Variants in ZFPM2 observed in about 807,000 individuals in gnomAD.
ZFPM2 encodes the protein zinc finger protein ZFPM2.
In ZFPM2, 20 loss-of-function variants were observed where a neutral mutation model predicts 98.6. The ratio of observed to expected loss-of-function variants is 0.20; its 90% CI spans 0.14 to 0.29. The LOEUF is 0.29. Ranked by LOEUF, ZFPM2 falls within the 10% of genes least tolerant of loss-of-function variation. The pLI is 1.00. For missense variants in ZFPM2, 1,310 were observed against 1,388.6 expected, an observed-to-expected ratio of 0.94 and a Z score of 0.90; for synonymous variants, 518 against 502.7, an observed-to-expected ratio of 1.03 and a Z score of -0.41.
chr8:105,392,405 GA>G lies in ZFPM2; in HGVS notation c.41-26737del, dbSNP rs1183900325. On this transcript the variant is annotated intron_variant, in intron 1 of 7. Coordinates refer to ENST00000407775, the MANE Select transcript of ZFPM2 (RefSeq NM_012082.4). ...AGGTAATTATAGTTTTCAAATGGCT[GA>G]ATGGGAAATACTTGCAGTGTATCTA... 2.0e-5 allele frequency among the ~76,000 whole-genome samples: 3 copies of G among 152,276 alleles called. No homozygotes were observed. The East Asian group carries it at 5.8e-4, about 29-fold the overall frequency.
At chr8:105,506,498 A>G (rs1813700594) in intron 3 of ZFPM2, among the ~76,000 whole-genome samples, 1 of 152,180 alleles carries the variant, frequency 6.6e-6, no homozygotes, top group Non-Finnish European at 1.5e-5. Context: ...CCAGCTAACC[A>G]ACCTTGCTCA....
intron 3 of ZFPM2, among the ~76,000 whole-genome samples, chr8:105,517,712 CACA>C (rs1813964245): frequency 4.5e-5 from 6 of 133,712 alleles, no homozygotes; most frequent in African/African-American, 1.7e-4. Context: ...ACACACCACA[CACA>C]CACACACACA....
chr8:105,613,336 A>G (rs1218555729), intron 4 of ZFPM2, among the ~76,000 whole-genome samples: 2 of 152,258 alleles, frequency 1.3e-5, no homozygotes, highest in East Asian at 3.9e-4. Flanking sequence ...ATAAAAGAAC[A>G]CTGGAGAAGA....
At chr8:105,509,031 G>A (rs1003111863) in intron 3 of ZFPM2, among the ~76,000 whole-genome samples, 10 of 151,922 alleles carry the variant, frequency 6.6e-5, no homozygotes, top group African/African-American at 2.2e-4. Context: ...TGAAGGGAGC[G>A]GTGCAGTAGA....
intron 1 of ZFPM2, among the ~76,000 whole-genome samples, chr8:105,396,342 A>G (rs1253494540): frequency 2.0e-5 from 3 of 152,136 alleles, no homozygotes; most frequent in Admixed American, 2.0e-4. Context: ...TGAGTAGTTT[A>G]TGTTTGATGG....
chr8:105,374,456 C>G (rs1262238241), intron 1 of ZFPM2, among the ~76,000 whole-genome samples: 2 of 151,094 alleles, frequency 1.3e-5, no homozygotes, highest in African/African-American at 4.9e-5. Flanking sequence ...GGCTGGAGTT[C>G]AGTGGCACAT....
intron 1 of ZFPM2, among the ~76,000 whole-genome samples, chr8:105,331,087 TA>T (rs1463336980): frequency 2.0e-5 from 3 of 150,786 alleles, no homozygotes; most frequent in East Asian, 1.9e-4. Context: ...TTTCTCCCAT[TA>T]TTTTTTTTGT....
At chr8:105,795,660 G>C (rs1052477744) in intron 6 of ZFPM2, 3 of 310,030 alleles carry the variant, frequency 9.7e-6, no homozygotes, top group African/African-American at 6.7e-5. Context: ...ACTTTATATG[G>C]AGAATTTTTA....
At chr8:105,619,607 A>G (rs1816491853) in intron 4 of ZFPM2, among the ~76,000 whole-genome samples, 1 of 152,084 alleles carries the variant, frequency 6.6e-6, no homozygotes. Flanking sequence ...ATAGGTATAT[A>G]TGTACCATGT....
chr8:105,517,261 T>C (rs564896068), intron 3 of ZFPM2, among the ~76,000 whole-genome samples: 1 of 152,228 alleles, frequency 6.6e-6, no homozygotes, highest in Non-Finnish European at 1.5e-5. Flanking sequence ...ATTTGCTTAA[T>C]GAATTATTTG....
At chr8:105,716,576 AT>A in intron 5 of ZFPM2, among the ~76,000 whole-genome samples, 1 of 152,122 alleles carries the variant, frequency 6.6e-6, no homozygotes, top group Non-Finnish European at 1.5e-5. Context: ...GTTTCACATG[AT>A]TTGCAGGAAA....
At chr8:105,405,397 A>G (rs1811426962) in intron 1 of ZFPM2, among the ~76,000 whole-genome samples, 1 of 151,638 alleles carries the variant, frequency 6.6e-6, no homozygotes. Flanking sequence ...GTCATTTAGC[A>G]TTAGATGTAT....
intron 5 of ZFPM2, among the ~76,000 whole-genome samples, chr8:105,665,572 G>A (rs1817473839): frequency 6.6e-6 from 1 of 152,000 alleles, no homozygotes; most frequent in African/African-American, 2.4e-5. Flanking sequence ...TTTTTGTAAA[G>A]AATCAAGACA....
chr8:105,801,816 G>A lies in ZFPM2; in HGVS notation c.1734G>A (p.Met578Ile). ...ATTGCAGCAGCCGATGGCAGCAGAT[G>A]GCTAAGTCCCCAGAGTTCCCTAGTG... ...KHYCSSRWQQ[M>I]AKSPEFPSVS... The change falls in exon 8 of 8, where the codon ATG becomes ATA. Residue 578 changes from methionine to isoleucine, a missense_variant. Coordinates refer to ENST00000407775, the MANE Select transcript of ZFPM2 (RefSeq NM_012082.4). 1 of 1,613,922 alleles carries A rather than the reference G, an allele frequency of 6.2e-7. No individual in the cohort carries two copies. Among genetic ancestry groups the A allele is most frequent in the South Asian group, 1.1e-5 (1 of 91,084 alleles).
intron 1 of ZFPM2, among the ~76,000 whole-genome samples, chr8:105,356,352 A>T (rs1203135432): frequency 6.6e-6 from 1 of 152,212 alleles, no homozygotes; most frequent in African/African-American, 2.4e-5. Context: ...CACCTAACAC[A>T]TTGGCTTGTA....
At chr8:105,593,586 A>G (rs1276428117) in intron 4 of ZFPM2, among the ~76,000 whole-genome samples, 1 of 151,092 alleles carries the variant, frequency 6.6e-6, no homozygotes. Flanking sequence ...CAGATGCCTC[A>G]TTTGGAGTCA....
chr8:105,692,652 A>C (rs2130940719), intron 5 of ZFPM2, among the ~76,000 whole-genome samples: 1 of 152,360 alleles, frequency 6.6e-6, no homozygotes, highest in South Asian at 2.1e-4. Context: ...CATTTGCCTT[A>C]GAAATATGGA....
At chr8:105,609,610 T>C (rs1225229074) in intron 4 of ZFPM2, among the ~76,000 whole-genome samples, 2 of 152,176 alleles carry the variant, frequency 1.3e-5, no homozygotes, top group African/African-American at 4.8e-5. Flanking sequence ...CTGCCCCGCC[T>C]TGCGTTGAAT....
intron 1 of ZFPM2, among the ~76,000 whole-genome samples, chr8:105,356,740 C>T (rs955344745): frequency 6.6e-6 from 1 of 152,174 alleles, no homozygotes; most frequent in Non-Finnish European, 1.5e-5. Flanking sequence ...CTTACTCCTT[C>T]CCCCGACAGT....
Sources: allele counts gnomAD v4.1 joint callset (sites outside exome capture counted in the v4.1 genomes callset), GRCh38; gene constraint gnomAD v4.1.1; transcripts MANE v1.5; gene names NCBI Gene and HGNC (gene_info 2026-07-23, HGNC 2026-07-21).